Variants in LRMDA observed in about 807,000 individuals in gnomAD.
The protein encoded by LRMDA is leucine-rich melanocyte differentiation-associated protein.
A neutral mutation model predicts 29.8 loss-of-function variants in LRMDA; 18 were observed. The observed-to-expected ratio is 0.60, with a 90% CI of 0.42 to 0.90. The LOEUF (loss-of-function observed/expected upper bound fraction) is 0.90. LRMDA is among the 40% of genes least tolerant of loss of function. The probability of loss-of-function intolerance (pLI) is 0.00; values close to 1 mark genes in which losing one functional copy is unlikely to be tolerated. For missense variants in LRMDA, 273 were observed against 273.9 expected, an observed-to-expected ratio of 1.00 and a Z score of 0.02; for synonymous variants, 125 against 109.4, an observed-to-expected ratio of 1.14 and a Z score of -0.89.
intron 2 of LRMDA, among the ~76,000 whole-genome samples, chr10:75,662,337 A>G (rs1454472477): frequency 6.6e-6 from 1 of 152,204 alleles, no homozygotes; most frequent in Admixed American, 6.5e-5. Context: ...TGAGTAGATC[A>G]TAGACGGATG....
intron 2 of LRMDA, among the ~76,000 whole-genome samples, chr10:75,916,958 G>A (rs1421896890): frequency 1.3e-5 from 2 of 152,196 alleles, no homozygotes; most frequent in Non-Finnish European, 2.9e-5. Context: ...TTTGAAGATT[G>A]AGCACTATAT....
intron 2 of LRMDA, among the ~76,000 whole-genome samples, chr10:75,979,237 G>T (rs1564621782): frequency 6.6e-6 from 1 of 152,130 alleles, no homozygotes; most frequent in Non-Finnish European, 1.5e-5. Flanking sequence ...GATTACAATA[G>T]ATGACATTTG....
chr10:75,628,885 C>T (rs1025091377), intron 2 of LRMDA, among the ~76,000 whole-genome samples: 17 of 152,230 alleles, frequency 1.1e-4, no homozygotes, highest in Non-Finnish European at 1.3e-4. Flanking sequence ...CACACTGCTT[C>T]GTGGCATCAC....
At chr10:76,392,689 T>G (rs1343154093) in intron 6 of LRMDA, among the ~76,000 whole-genome samples, 1 of 152,084 alleles carries the variant, frequency 6.6e-6, no homozygotes, top group Non-Finnish European at 1.5e-5. Context: ...TTTTTTTTTG[T>G]AGTGAGAATG....
At chr10:75,522,472 G>A (rs974430918) in intron 2 of LRMDA, among the ~76,000 whole-genome samples, 1 of 152,216 alleles carries the variant, frequency 6.6e-6, no homozygotes, top group African/African-American at 2.4e-5. Context: ...AAAATGCTAT[G>A]TAGGCTGATT....
chr10:75,732,203 C>T (rs574596196), intron 2 of LRMDA, among the ~76,000 whole-genome samples: 1 of 152,106 alleles, frequency 6.6e-6, no homozygotes, highest in African/African-American at 2.4e-5. Flanking sequence ...AGATGGAGCA[C>T]CGACTCTCAA....
chr10:75,550,546 T>C (rs910154341), intron 2 of LRMDA, among the ~76,000 whole-genome samples: 1 of 152,056 alleles, frequency 6.6e-6, no homozygotes, highest in African/African-American at 2.4e-5. Flanking sequence ...GTCTCTGTGT[T>C]TATATTTATA....
At chr10:75,959,929 C>CA (rs1203092182) in intron 2 of LRMDA, among the ~76,000 whole-genome samples, 1 of 152,110 alleles carries the variant, frequency 6.6e-6, no homozygotes, top group Admixed American at 6.5e-5. Context: ...TCTCCTTTTG[C>CA]AAAAAATATA....
intron 5 of LRMDA, among the ~76,000 whole-genome samples, chr10:76,303,499 A>C (rs1190659105): frequency 6.6e-6 from 1 of 152,094 alleles, no homozygotes. Flanking sequence ...CTATCTGTGA[A>C]ACCTCTAGCT....
At chr10:76,190,782 C>A (rs2132220954) in intron 5 of LRMDA, among the ~76,000 whole-genome samples, 1 of 152,268 alleles carries the variant, frequency 6.6e-6, no homozygotes, top group Admixed American at 6.5e-5. Context: ...GAATTGTCAA[C>A]AAACATTAAT....
At chr10:76,549,223 T>G (rs1589233715) in intron 6 of LRMDA, among the ~76,000 whole-genome samples, 1 of 152,122 alleles carries the variant, frequency 6.6e-6, no homozygotes, top group East Asian at 1.9e-4. Flanking sequence ...TGTGACTACC[T>G]GTGTAGCCTC....
chr10:75,495,718 A>G (rs756873857), intron 2 of LRMDA, among the ~76,000 whole-genome samples: 37 of 152,242 alleles, frequency 2.4e-4, no homozygotes, highest in Admixed American at 1.3e-4. Context: ...CCAAAAGTCA[A>G]GGCCAGTGTC....
chr10:76,518,123 C>G lies in LRMDA; in HGVS notation c.602-39086C>G, dbSNP rs551297981. Among the ~76,000 whole-genome samples the G allele has an allele frequency of 4.1e-3, 620 of 151,794 alleles. 4 individuals carry two copies. The highest frequency in any genetic ancestry group is 0.024 in the Middle Eastern group (7 of 290). On this transcript the variant is annotated intron_variant, in intron 6 of 6. Coordinates refer to ENST00000611255, the MANE Select transcript of LRMDA (RefSeq NM_001305581.2). ...CTATTAGATGAAAAAATAAATAAACCCAACTATATATCCTTTAAAATATAT... is the reference window on the plus strand; with the variant it reads ...CTATTAGATGAAAAAATAAATAAACGCAACTATATATCCTTTAAAATATAT...
At chr10:75,734,875 T>A (rs564487629) in intron 2 of LRMDA, among the ~76,000 whole-genome samples, 1 of 152,364 alleles carries the variant, frequency 6.6e-6, no homozygotes, top group South Asian at 2.1e-4. Flanking sequence ...TTCCACATTC[T>A]TATAGAGGCC....
At chr10:76,515,750 C>T (rs538486896) in intron 6 of LRMDA, among the ~76,000 whole-genome samples, 12 of 152,254 alleles carry the variant, frequency 7.9e-5, no homozygotes, top group African/African-American at 2.9e-4. Flanking sequence ...AGCAATCTGC[C>T]GCCTCGGCCT....
chr10:76,427,906 C>T (rs948092415), intron 6 of LRMDA, among the ~76,000 whole-genome samples: 16 of 152,018 alleles, frequency 1.1e-4, no homozygotes, highest in African/African-American at 3.4e-4. Context: ...TGGATTATGT[C>T]TATTGATTTG....
At chr10:75,917,810 A>G (rs936003407) in intron 2 of LRMDA, among the ~76,000 whole-genome samples, 3 of 152,220 alleles carry the variant, frequency 2.0e-5, no homozygotes, top group African/African-American at 4.8e-5. Flanking sequence ...ATAAACTTCT[A>G]TAAGTCTCGG....
At chr10:75,749,376 C>T (rs573733488) in intron 2 of LRMDA, among the ~76,000 whole-genome samples, 4 of 151,898 alleles carry the variant, frequency 2.6e-5, no homozygotes, top group Non-Finnish European at 4.4e-5. Context: ...GGTTGGTGCC[C>T]CTAACTCCCA....
At chr10:75,546,972 G>A (rs1008307169) in intron 2 of LRMDA, among the ~76,000 whole-genome samples, 2 of 152,146 alleles carry the variant, frequency 1.3e-5, no homozygotes, top group Non-Finnish European at 2.9e-5. Context: ...GGAAAGTGGT[G>A]GAGCTAGGAT....
Sources: allele counts gnomAD v4.1 joint callset (sites outside exome capture counted in the v4.1 genomes callset), GRCh38; gene constraint gnomAD v4.1.1; transcripts MANE v1.5; gene names NCBI Gene and HGNC (gene_info 2026-07-23, HGNC 2026-07-21).